DLC1: variants seen among roughly 807,000 people sequenced by gnomAD.
DLC1 encodes rho GTPase-activating protein 7.
Under a neutral mutation model 140.3 loss-of-function variants are expected in DLC1, and 54 were observed. The ratio of observed to expected loss-of-function variants is 0.38; its 90% CI spans 0.31 to 0.48. The LOEUF (loss-of-function observed/expected upper bound fraction) is 0.48, where lower values mean the gene tolerates loss of function less well. Ranked by LOEUF, DLC1 falls within the 20% of genes least tolerant of loss-of-function variation. DLC1 has a pLI of 0.96. For synonymous variants in DLC1, 986 were observed against 728.1 expected (o/e 1.35, Z -5.70); for missense variants, 2,536 against 1,907.0 (o/e 1.33, Z -6.14).
intron 5 of DLC1, among the ~76,000 whole-genome samples, chr8:13,146,936 T>A (rs1215952798): frequency 6.6e-6 from 1 of 152,182 alleles, no homozygotes; most frequent in Admixed American, 6.5e-5. Flanking sequence ...CTGACTAATG[T>A]AGTATAAATT....
chr8:13,564,722 C>T (rs778487298), intron 1 of DLC1, among the ~76,000 whole-genome samples: 2 of 152,102 alleles, frequency 1.3e-5, no homozygotes, highest in African/African-American at 4.8e-5. Context: ...TGGGGTTGGC[C>T]TTATAGCTGC....
intron 1 of DLC1, among the ~76,000 whole-genome samples, chr8:13,550,127 G>A (rs1803794961): frequency 6.6e-6 from 1 of 152,038 alleles, no homozygotes; most frequent in Non-Finnish European, 1.5e-5. Flanking sequence ...ATCTCATCTT[G>A]AACTGTAATG....
intron 2 of DLC1, among the ~76,000 whole-genome samples, chr8:13,491,091 A>G (rs2410060): frequency 0.86 from 126,480 of 147,194 alleles, 55,049 homozygotes; most frequent in Non-Finnish European, 0.94. Context: ...TACATATTCA[A>G]ATTTAATATT....
At chr8:13,538,306 G>T (rs939719178) in intron 1 of DLC1, among the ~76,000 whole-genome samples, 1 of 151,830 alleles carries the variant, frequency 6.6e-6, no homozygotes, top group African/African-American at 2.4e-5. Flanking sequence ...AAACTTTCGT[G>T]TAAATGGGAA....
intron 4 of DLC1, among the ~76,000 whole-genome samples, chr8:13,345,548 T>TTTTTG (rs1491511006): frequency 1.2e-4 from 1 of 8,300 alleles, no homozygotes; most frequent in Non-Finnish European, 3.2e-4. Flanking sequence ...TCACTCACAC[T>TTTTTG]TTTTTTTTTT....
chr8:13,137,257 T>C (rs1822633934), intron 5 of DLC1, among the ~76,000 whole-genome samples: 1 of 152,196 alleles, frequency 6.6e-6, no homozygotes, highest in Admixed American at 6.5e-5. Context: ...AGGTTTCATC[T>C]GTCTCTGTCA....
Position 13,083,464 on chromosome 8 carries a change from A to G in DLC1, c.*2347T>C, listed in dbSNP as rs1218820110. 6.6e-6 allele frequency: 1 copy of G among 152,162 alleles called. No individual in the cohort carries two copies. The highest frequency in any genetic ancestry group is 1.9e-4 in the East Asian group (1 of 5,180). 9.4% of individuals were successfully genotyped at this position (152,162 alleles called of 1,614,324 possible). On this transcript the variant is annotated 3_prime_UTR_variant, in exon 18 of 18. Transcript: ENST00000276297. ...TGTGTAAGAGACAAGCCCTGCCCTCAAAGAGCTTACAATCTAGGCAATTAG... is the reference window on the plus strand; with the variant it reads ...TGTGTAAGAGACAAGCCCTGCCCTCGAAGAGCTTACAATCTAGGCAATTAG...
At chr8:13,489,206 C>T (rs2117153977) in intron 2 of DLC1, among the ~76,000 whole-genome samples, 1 of 152,204 alleles carries the variant, frequency 6.6e-6, no homozygotes, top group Admixed American at 6.5e-5. Flanking sequence ...TTTGGCTCCC[C>T]AAAGTGCTGG....
At chr8:13,297,286 A>AAAAAAAAAAAAC (rs1294211302) in intron 5 of DLC1, among the ~76,000 whole-genome samples, 1 of 141,180 alleles carries the variant, frequency 7.1e-6, no homozygotes, top group African/African-American at 2.6e-5. Flanking sequence ...ATACATTAAA[A>AAAAAAAAAAAAC]AAAAAAAAAA....
chr8:13,207,378 C>T (rs534131235), intron 5 of DLC1, among the ~76,000 whole-genome samples: 3 of 151,990 alleles, frequency 2.0e-5, no homozygotes, highest in Non-Finnish European at 4.4e-5. Context: ...GTATTTTGTC[C>T]GTTTGGAGTT....
chr8:13,500,407 A>G (rs1801759251), intron 1 of DLC1, among the ~76,000 whole-genome samples: 1 of 152,228 alleles, frequency 6.6e-6, no homozygotes, highest in Non-Finnish European at 1.5e-5. Flanking sequence ...CATCAGCAAT[A>G]CTTTTAAAGG....
intron 2 of DLC1, 71 bp from the exon 3 acceptor site, chr8:13,401,690 C>T (rs1837308456): frequency 6.5e-7 from 1 of 1,543,660 alleles, no homozygotes; most frequent in Admixed American, 2.0e-5. Context: ...GTTCCCTGTT[C>T]TTCAATGTGA....
At chr8:13,524,969 C>T (rs1802874516) in intron 1 of DLC1, among the ~76,000 whole-genome samples, 1 of 152,140 alleles carries the variant, frequency 6.6e-6, no homozygotes. Flanking sequence ...TTTCCTCCTG[C>T]CTCTTTGCCA....
At chr8:13,425,874 A>C (rs940722358) in intron 2 of DLC1, among the ~76,000 whole-genome samples, 1 of 152,192 alleles carries the variant, frequency 6.6e-6, no homozygotes, top group Non-Finnish European at 1.5e-5. Context: ...TCCTGGGCTC[A>C]GGCTCAAGTG....
At chr8:13,102,224 C>A (rs1299611729) in intron 8 of DLC1, among the ~76,000 whole-genome samples, 3 of 152,198 alleles carry the variant, frequency 2.0e-5, no homozygotes. Flanking sequence ...CATAAAAAGT[C>A]TTCACAACTC....
intron 2 of DLC1, among the ~76,000 whole-genome samples, chr8:13,420,514 G>C (rs189163952): frequency 3.2e-4 from 48 of 152,122 alleles, no homozygotes; most frequent in Non-Finnish European, 5.1e-4. Flanking sequence ...TAGATTTTAA[G>C]TCTCGCATGC....
intron 1 of DLC1, among the ~76,000 whole-genome samples, chr8:13,543,870 T>A (rs1480385973): frequency 6.6e-6 from 1 of 152,018 alleles, no homozygotes; most frequent in African/African-American, 2.4e-5. Flanking sequence ...AAGTGAGGGA[T>A]GAAACACTGC....
chr8:13,268,038 T>C (rs757199625), intron 5 of DLC1, among the ~76,000 whole-genome samples: 6 of 152,200 alleles, frequency 3.9e-5, no homozygotes, highest in Admixed American at 1.3e-4. Flanking sequence ...CTACAGCCCA[T>C]ATGTGCTAAA....
At chr8:13,364,342 A>G (rs1208006594) in intron 4 of DLC1, among the ~76,000 whole-genome samples, 2 of 150,152 alleles carry the variant, frequency 1.3e-5, no homozygotes, top group Non-Finnish European at 2.9e-5. Context: ...TCTGTTGCAC[A>G]GGTTGGAGTG....
Sources: allele counts gnomAD v4.1 joint callset (sites outside exome capture counted in the v4.1 genomes callset), GRCh38; gene constraint gnomAD v4.1.1; transcripts MANE v1.5; gene names NCBI Gene and HGNC (gene_info 2026-07-23, HGNC 2026-07-21).